The following PCDHGA10 variants were observed in gnomAD, a reference collection of about 807,000 sequenced individuals.
The protein encoded by PCDHGA10 is protocadherin gamma subfamily A, 10.
Under a neutral mutation model 59.5 loss-of-function variants are expected in PCDHGA10, and 42 were observed. That is an observed-to-expected ratio of 0.71 (90% CI 0.55 to 0.91). PCDHGA10 has a LOEUF of 0.91. PCDHGA10 is among the 40% of genes least tolerant of loss of function. PCDHGA10 has a pLI of 0.00. For synonymous variants in PCDHGA10, 511 were observed against 517.2 expected (o/e 0.99, Z 0.16); for missense variants, 1,111 against 1,198.2 (o/e 0.93, Z 1.07).
chr5:141,502,027 C>T (rs547850211), intron 2 of PCDHGA10, among the ~76,000 whole-genome samples: 6 of 152,274 alleles, frequency 3.9e-5, no homozygotes, highest in African/African-American at 9.6e-5. Flanking sequence ...CTGCAACCCC[C>T]GCCGCTTGCC....
Position 141,432,208 on chromosome 5 carries a change from G to A in PCDHGA10, c.2436+16597G>A, listed in dbSNP as rs150518735. The A allele has an allele frequency of 3.4e-5, 55 of 1,614,196 alleles. No individual in the cohort carries two copies. In the Middle Eastern group the frequency reaches 8.2e-4, roughly 24 times the overall value. Reference sequence around the variant, plus strand: ...CCGCCCACGACCCCGACTGTGAAGAGAACGCCCAGATCACTTATTCCCTGG... The same window carrying A: ...CCGCCCACGACCCCGACTGTGAAGAAAACGCCCAGATCACTTATTCCCTGG... On this transcript the variant is annotated intron_variant, in intron 1 of 3. Transcript: ENST00000398610. The surrounding 1 kb of genome is among the most constrained non-coding windows in gnomAD (Gnocchi z 6.0).
chr5:141,430,832 G>A (rs1398773861), intron 1 of PCDHGA10: 1 of 1,555,686 alleles, frequency 6.4e-7, no homozygotes, highest in South Asian at 1.3e-5. Flanking sequence ...GACTCTGTGG[G>A]AGACCGGATG....
rs558513172 is a variant in PCDHGA10 at position 141,424,015 on chromosome 5, A to T, written c.2436+8404A>T. The T allele has an allele frequency of 3.0e-5, 32 of 1,060,896 alleles. No individual in the cohort carries two copies. The Admixed American group carries it at 3.2e-4, about 11-fold the overall frequency. The allele number at this position is 1,060,896 out of a possible 1,614,324, so 65.7% of individuals were successfully genotyped here. A position where few individuals can be genotyped will look rare whatever the true frequency, so the allele number is the denominator to read the frequency against. ...TATTATATATAGATACAAATTAATGATTCACAAACACTTTTTATTTCCATT... is the reference window on the plus strand; with the variant it reads ...TATTATATATAGATACAAATTAATGTTTCACAAACACTTTTTATTTCCATT... On this transcript the variant is annotated intron_variant, in intron 1 of 3. Transcript: ENST00000398610.
intron 2 of PCDHGA10, among the ~76,000 whole-genome samples, chr5:141,504,402 G>A (rs2099837969): frequency 6.6e-6 from 1 of 152,170 alleles, no homozygotes; most frequent in Admixed American, 6.6e-5. Context: ...AGCCAGTGTG[G>A]TGGAGGAACA....
intron 2 of PCDHGA10, among the ~76,000 whole-genome samples, chr5:141,497,859 G>A (rs188372194): frequency 2.0e-4 from 31 of 152,134 alleles, no homozygotes; most frequent in Middle Eastern, 6.8e-3. Context: ...TTGATTCAGC[G>A]GCTCCAAAGT....
At chr5:141,452,887 C>T (rs1000136303) in intron 1 of PCDHGA10, among the ~76,000 whole-genome samples, 1 of 152,174 alleles carries the variant, frequency 6.6e-6, no homozygotes, top group Non-Finnish European at 1.5e-5. Flanking sequence ...ATAATTTATT[C>T]CACTTTTATT....
At chr5:141,470,201 G>C (rs2154570565) in intron 1 of PCDHGA10, among the ~76,000 whole-genome samples, 1 of 152,274 alleles carries the variant, frequency 6.6e-6, no homozygotes, top group Non-Finnish European at 1.5e-5. Flanking sequence ...AGATAAATAT[G>C]AAGGCTAAAC....
chr5:141,418,740 T>C, intron 1 of PCDHGA10: 1 of 1,613,972 alleles, frequency 6.2e-7, no homozygotes, highest in Admixed American at 1.7e-5. Context: ...GTGTTCTCTC[T>C]GGATTACACT....
Position 141,511,350 on chromosome 5 carries a change from C to T in PCDHGA10, c.*177C>T, listed in dbSNP as rs1303365585. Reference sequence around the variant, plus strand: ...CCCAGTCAGCACCTACCCCTTCCCCCCCAGGGGGTTGAATATGCAAAAGCA... The same window carrying T: ...CCCAGTCAGCACCTACCCCTTCCCCTCCAGGGGGTTGAATATGCAAAAGCA... On this transcript the variant is annotated 3_prime_UTR_variant, in exon 4 of 4. Transcript: ENST00000398610. The T allele has an allele frequency of 6.4e-6, 9 of 1,397,076 alleles. No homozygotes were observed. Among genetic ancestry groups the T allele is most frequent in the Non-Finnish European group, 8.6e-6 (9 of 1,050,666 alleles). 86.5% of individuals were successfully genotyped at this position (1,397,076 alleles called of 1,614,324 possible).
intron 1 of PCDHGA10, among the ~76,000 whole-genome samples, chr5:141,448,869 T>C (rs1375609555): frequency 6.6e-6 from 1 of 151,930 alleles, no homozygotes; most frequent in Non-Finnish European, 1.5e-5. Flanking sequence ...GGCGTGAACC[T>C]GGGAGGCGGA....
At chr5:141,467,491 A>T (rs2154569531) in intron 1 of PCDHGA10, among the ~76,000 whole-genome samples, 1 of 152,224 alleles carries the variant, frequency 6.6e-6, no homozygotes, top group Admixed American at 6.5e-5. Flanking sequence ...CCACATTTAG[A>T]TCCCTGATCT....
chr5:141,450,776 C>G (rs757791026), intron 1 of PCDHGA10, among the ~76,000 whole-genome samples: 1 of 151,440 alleles, frequency 6.6e-6, no homozygotes, highest in Non-Finnish European at 1.5e-5. Flanking sequence ...CATGAGCCAC[C>G]GTGCCCGGAC....
intron 1 of PCDHGA10, chr5:141,420,220 A>G (rs2096478738): frequency 6.2e-7 from 1 of 1,608,142 alleles, no homozygotes; most frequent in African/African-American, 1.3e-5. Flanking sequence ...ATAGCATGCT[A>G]CTGGCTAGCA....
intron 1 of PCDHGA10, chr5:141,422,513 G>A (rs765955739): frequency 6.2e-7 from 1 of 1,614,000 alleles, no homozygotes. Context: ...ACAGACCAGG[G>A]AAGCCCGCCT....
rs369608304 is a variant in PCDHGA10, at chr5:141,414,422, G to T, written c.1247G>T (p.Arg416Met). 1 of 1,613,866 alleles carries T rather than the reference G, an allele frequency of 6.2e-7. No individual in the cohort carries two copies. The highest frequency in any genetic ancestry group is 8.5e-7 in the Non-Finnish European group (1 of 1,179,858). The part of the protein sequence containing the change: ...YRLVIHRALD[R>M]EQVSSYNITV... Reference sequence around the variant, plus strand: ...TTGGTGATACACAGAGCCCTTGACAGGGAACAGGTATCCTCTTACAATATC... The same window carrying T: ...TTGGTGATACACAGAGCCCTTGACATGGAACAGGTATCCTCTTACAATATC... Residue 416 changes from arginine to methionine, a missense_variant, in exon 1 of 4, where the codon AGG (arginine) becomes ATG (methionine). Arg to Met is a moderately conservative substitution (Grantham distance 91). Coordinates refer to ENST00000398610, the MANE Select transcript of PCDHGA10 (RefSeq NM_018913.3).
At chr5:141,426,830 C>A (rs559240163) in intron 1 of PCDHGA10, 301 of 456,662 alleles carry the variant, frequency 6.6e-4, no homozygotes, top group African/African-American at 5.8e-3. Flanking sequence ...TGATGATGGA[C>A]AAGACTAAAG....
intron 1 of PCDHGA10, among the ~76,000 whole-genome samples, chr5:141,454,932 C>T (rs945154196): frequency 1.3e-5 from 2 of 150,768 alleles, no homozygotes; most frequent in African/African-American, 2.4e-5. Context: ...CTCAGCCTCC[C>T]GAGTAGCTGG....
At position 141,415,076 on chromosome 5, in the gene PCDHGA10, G is replaced by A. The variant is rs772523894; in HGVS notation, c.1901G>A (p.Arg634Gln). The A allele has an allele frequency of 1.9e-6, 3 of 1,613,462 alleles. No homozygotes were observed. The highest frequency in any genetic ancestry group is 1.1e-5 in the South Asian group (1 of 91,064). The stretch of plus-strand genomic sequence containing the variant: ...CACACGGGCGAGGTGCGCACGGCGC[G>A]AGCCCTGCTGGACAGAGACGCGCTC... The part of the protein sequence containing the change: ...GEHTGEVRTA[R>Q]ALLDRDALKQ... Residue 634 changes from arginine to glutamine, a missense_variant, in exon 1 of 4, where the codon CGA becomes CAA. Physicochemically the swap from Arg to Gln is conservative, Grantham distance 43. Transcript: ENST00000398610.
intron 1 of PCDHGA10, among the ~76,000 whole-genome samples, chr5:141,460,682 T>A (rs957470916): frequency 3.3e-5 from 5 of 152,134 alleles, no homozygotes; most frequent in African/African-American, 1.2e-4. Flanking sequence ...TATATCTATA[T>A]ATCCACCAAC....
Sources: gnomAD v4.1 joint callset for allele counts (sites outside exome capture counted in the v4.1 genomes callset) on GRCh38, gnomAD v4.1.1 for gene constraint, Gnocchi (gnomAD v3.1) non-coding constraint, MANE v1.5 for transcripts, NCBI Gene and HGNC (gene_info 2026-07-23, HGNC 2026-07-21) for gene names.